The following DHX36 variants were observed in gnomAD, a reference collection of about 807,000 sequenced individuals.
The protein encoded by DHX36 is ATP-dependent DNA/RNA helicase DHX36.
Under a neutral mutation model 139.0 loss-of-function variants are expected in DHX36, and 50 were observed. The ratio of observed to expected loss-of-function variants is 0.36; its 90% CI spans 0.29 to 0.46. The LOEUF is 0.46. DHX36 is among the 20% of genes least tolerant of loss of function. The pLI, the probability that DHX36 is intolerant of heterozygous loss-of-function variation, is 1.00. For synonymous variants in DHX36, 425 were observed against 401.9 expected (o/e 1.06, Z -0.69); for missense variants, 1,024 against 1,211.3 (o/e 0.85, Z 2.29).
In DHX36 at chr3:154,280,874, T is replaced by C. The variant is rs1204030616; in HGVS notation, c.2377-12A>G. 5 of 1,598,792 alleles carry C rather than the reference T, an allele frequency of 3.1e-6. No individual in the cohort carries two copies. The highest frequency in any genetic ancestry group is 2.7e-5 in the African/African-American group (2 of 74,596). ...ATGTTATGCAGCATCTAGGGAGCAA[T>C]GGTAACAAATAGAACTAGAATACCT... On this transcript the variant is annotated splice_polypyrimidine_tract_variant and intron_variant, in intron 20 of 24. Transcript: ENST00000496811.
chr3:154,286,516 GA>G (rs1489855813), intron 17 of DHX36, among the ~76,000 whole-genome samples: 2 of 150,816 alleles, frequency 1.3e-5, no homozygotes, highest in Admixed American at 6.6e-5. Context: ...TAACCTAGAA[GA>G]TTAGTGGTAT....
intron 5 of DHX36, 51 bp downstream of exon 5, chr3:154,309,602 G>C (rs772481346): frequency 1.3e-6 from 2 of 1,499,500 alleles, no homozygotes; most frequent in East Asian, 2.3e-5. Context: ...GTAGGTTCTA[G>C]CAAGATTACT....
At chr3:154,309,541 T>C (rs1022307750) in intron 5 of DHX36, 112 bp downstream of exon 5, 9 of 896,586 alleles carry the variant, frequency 1.0e-5, no homozygotes, top group Admixed American at 3.7e-5. Flanking sequence ...TTTGCTTTCA[T>C]AGTCACCAAT....
At chr3:154,279,471 AC>A (rs1360686117) in intron 22 of DHX36, 2 of 152,216 alleles carry the variant, frequency 1.3e-5, no homozygotes, top group African/African-American at 4.8e-5. Flanking sequence ...GTACACACAT[AC>A]AAAAAAATTT....
intron 13 of DHX36, among the ~76,000 whole-genome samples, chr3:154,294,834 T>C (rs1327197948): frequency 6.6e-6 from 1 of 152,220 alleles, no homozygotes; most frequent in Non-Finnish European, 1.5e-5. Context: ...CGCCTGTATC[T>C]GATGGAGCCA....
At chr3:154,307,883 A>G (rs1014818222) in intron 5 of DHX36, among the ~76,000 whole-genome samples, 1 of 152,190 alleles carries the variant, frequency 6.6e-6, no homozygotes, top group Non-Finnish European at 1.5e-5. Context: ...GTGCTCATCA[A>G]TGGATGACTG....
In DHX36 at chr3:154,316,023, A is replaced by G. The variant is rs1712963359; in HGVS notation, c.368+16T>C. 6.2e-6 allele frequency: 10 copies of G among 1,606,682 alleles called. No individual in the cohort carries two copies. Among genetic ancestry groups the G allele is most frequent in the Non-Finnish European group, 7.6e-6 (9 of 1,177,352 alleles). On this transcript the variant is annotated intron_variant, in intron 2 of 24. Coordinates refer to ENST00000496811, the MANE Select transcript of DHX36 (RefSeq NM_020865.3). ...TACTCTTTGCCTATTCTTTAAAAAA[A>G]TATTTCTTGTCGTACCCATGATCCT...
intron 15 of DHX36, among the ~76,000 whole-genome samples, chr3:154,291,044 A>T (rs2108342959): frequency 6.9e-6 from 1 of 145,274 alleles, no homozygotes; most frequent in South Asian, 2.3e-4. Flanking sequence ...CTGAGGCAGG[A>T]GAATGGCGTG....
intron 3 of DHX36, among the ~76,000 whole-genome samples, chr3:154,313,482 C>A (rs772250919): frequency 6.6e-6 from 1 of 152,058 alleles, no homozygotes; most frequent in African/African-American, 2.4e-5. Flanking sequence ...GAGTTCAAGA[C>A]CAGCCTGGGC....
chr3:154,290,376 C>T (rs1711742117), intron 15 of DHX36, among the ~76,000 whole-genome samples: 1 of 151,988 alleles, frequency 6.6e-6, no homozygotes, highest in Non-Finnish European at 1.5e-5. Flanking sequence ...TGGCTCACAC[C>T]AGTAATCCCA....
intron 1 of DHX36, among the ~76,000 whole-genome samples, chr3:154,317,012 G>A (rs541208867): frequency 7.9e-5 from 12 of 152,066 alleles, no homozygotes; most frequent in African/African-American, 2.9e-4. Context: ...AACCAAAGGA[G>A]GAGGAAGGTA....
At chr3:154,311,881 C>G in intron 3 of DHX36, 1 of 432,250 alleles carries the variant, frequency 2.3e-6, no homozygotes, top group Non-Finnish European at 4.0e-6. Flanking sequence ...TTACATCCAG[C>G]AAAATAGAGA....
chr3:154,280,513 C>T (rs1719298579), intron 22 of DHX36, 66 bp downstream of exon 22: 3 of 1,132,948 alleles, frequency 2.6e-6, no homozygotes, highest in Admixed American at 3.9e-5. Context: ...AGCCTTGTTA[C>T]ATGAGCAGAT....
Position 154,303,320 on chromosome 3 carries a change from T to TTTAC in DHX36, c.1217+5_1217+8dup. 6.4e-7 allele frequency: 1 copy of TTTAC among 1,567,240 alleles called. No individual in the cohort carries two copies. Among genetic ancestry groups the TTTAC allele is most frequent in the Non-Finnish European group, 8.7e-7 (1 of 1,147,746 alleles). On this transcript the variant is annotated intron_variant, in intron 9 of 24. Coordinates refer to ENST00000496811, the MANE Select transcript of DHX36 (RefSeq NM_020865.3). ...TTTTAATGTTTTTTATTTCCTAATGTTTACTTACCTTATTTTTTCAATTAC... is the reference window on the plus strand; with the variant it reads ...TTTTAATGTTTTTTATTTCCTAATGTTTACTTACTTACCTTATTTTTTCAATTAC...
Position 154,284,119 on chromosome 3 carries a change from G to A in DHX36, c.2292+464C>T, listed in dbSNP as rs1198305063. 2.0e-5 allele frequency among the ~76,000 whole-genome samples: 3 copies of A among 152,168 alleles called. No individual in the cohort carries two copies. In the East Asian group the frequency reaches 5.8e-4, roughly 29 times the overall value. On this transcript the variant is annotated intron_variant, in intron 19 of 24. Transcript: ENST00000496811. ...AAATGAATTATAACTTTTTTCAAAT[G>A]TTCAGCTAAATTTCAACATTCTCAG... is the stretch of plus-strand genomic sequence containing the variant.
intron 8 of DHX36, among the ~76,000 whole-genome samples, chr3:154,304,032 G>A (rs1444725389): frequency 6.6e-6 from 1 of 152,110 alleles, no homozygotes; most frequent in Non-Finnish European, 1.5e-5. Flanking sequence ...ACACATTTGA[G>A]CAAAGTACTC....
chr3:154,285,609 T>C (rs1367516937), intron 17 of DHX36, among the ~76,000 whole-genome samples: 5 of 152,058 alleles, frequency 3.3e-5, no homozygotes, highest in South Asian at 4.1e-4. Flanking sequence ...GAAAGGAACA[T>C]AAAACCTTGC....
At chr3:154,321,732 G>A (rs1240886721) in intron 1 of DHX36, among the ~76,000 whole-genome samples, 1 of 152,170 alleles carries the variant, frequency 6.6e-6, no homozygotes, top group Non-Finnish European at 1.5e-5. Context: ...GCCAGGGCTG[G>A]TGGATCACCT....
chr3:154,320,259 CTTAAATT>C (rs1408706572), intron 1 of DHX36, among the ~76,000 whole-genome samples: 1 of 152,092 alleles, frequency 6.6e-6, no homozygotes, highest in Non-Finnish European at 1.5e-5. Context: ...TCAGCCTGTC[CTTAAATT>C]TTCATTTTCC....
Sources: gnomAD v4.1 joint callset for allele counts (sites outside exome capture counted in the v4.1 genomes callset) on GRCh38, gnomAD v4.1.1 for gene constraint, MANE v1.5 for transcripts, NCBI Gene and HGNC (gene_info 2026-07-23, HGNC 2026-07-21) for gene names.